The following RPLP0 variants were observed in gnomAD, a reference collection of about 807,000 sequenced individuals.
The protein encoded by RPLP0 is large ribosomal subunit protein uL10.
For missense variants in RPLP0, 276 were observed against 402.9 expected (o/e 0.69, Z 2.70); for synonymous variants, 137 against 153.4 (o/e 0.89, Z 0.79).
intron 1 of RPLP0, 69 bp downstream of exon 1, chr12:120,201,014 A>G: frequency 3.5e-6 from 2 of 574,172 alleles, no homozygotes; most frequent in Non-Finnish European, 5.6e-6. Context: ...CATGTTCCCA[A>G]AGGCCCCCAA....
rs779499502 is a variant in RPLP0, at chr12:120,199,389, C to T, written c.151G>A (p.Ala51Thr). The T allele has an allele frequency of 1.9e-6, 3 of 1,614,214 alleles. No individual in the cohort carries two copies. Among genetic ancestry groups the T allele is most frequent in the Non-Finnish European group, 2.5e-6 (3 of 1,180,042 alleles). The change falls in exon 3 of 8, where the codon GCT becomes ACT. Residue 51 changes from alanine to threonine, a missense_variant. Transcript: ENST00000392514. ...QQIRMSLRGK[A>T]VVLMGKNTMM... ...GTGTTCTTGCCCATCAGCACCACAG[C>T]CTTCCCGCGAAGGGACATGCGGATC...
intron 4 of RPLP0, 21 bp from the exon 5 acceptor site, chr12:120,199,021 T>C: frequency 6.2e-7 from 1 of 1,613,884 alleles, no homozygotes; most frequent in Non-Finnish European, 8.5e-7. Context: ...CAACAAACAG[T>C]GAGAAAAGCC....
chr12:120,197,914 TATTC>T (rs570610648), intron 6 of RPLP0: 155 of 162,170 alleles, frequency 9.6e-4, no homozygotes, highest in Non-Finnish European at 1.3e-3. Context: ...CTATCACTAT[TATTC>T]ATTATTTAAA....
chr12:120,197,619 G>A (rs1879233034), intron 6 of RPLP0, 157 bp from the exon 7 acceptor site: 10 of 796,430 alleles, frequency 1.3e-5, no homozygotes, highest in Admixed American at 7.6e-5. Flanking sequence ...GCTCCTGGCA[G>A]AGCAATTCAG....
chr12:120,199,814 AAG>A, intron 2 of RPLP0: 1 of 359,742 alleles, frequency 2.8e-6, no homozygotes, highest in South Asian at 2.3e-5. Context: ...TAAGTTGGTC[AAG>A]AGGAGGGCTA....
rs759215849 is a variant in RPLP0 at position 120,199,465 on chromosome 12, C to A, written c.75G>T (p.Pro25=). 29 of 1,613,854 alleles carry A rather than the reference C, an allele frequency of 1.8e-5. No homozygotes were observed. Among genetic ancestry groups the A allele is most frequent in the Non-Finnish European group, 2.5e-5 (29 of 1,180,002 alleles). Residue 25 remains proline (P), a synonymous_variant, in exon 3 of 8, where the codon CCG becomes CCT. Transcript: ENST00000392514. ...TGTCTGCTCCCACAATGAAACATTT[C>A]GGATAATCATCCAATAGTTGCTACA... The part of the protein sequence containing the change: ...LKIIQLLDDY[P]KCFIVGADNV...
At chr12:120,200,358 G>C (rs773916378) in intron 2 of RPLP0, 1 of 325,852 alleles carries the variant, frequency 3.1e-6, no homozygotes, top group Non-Finnish European at 6.0e-6. Flanking sequence ...AGCTACTCGG[G>C]AGGCTGAAGC....
At chr12:120,199,671 C>T (rs6490287) in intron 2 of RPLP0, 186 bp from the exon 3 acceptor site, 417,499 of 603,618 alleles carry the variant, frequency 0.69, 147,500 homozygotes, top group East Asian at 0.98. Flanking sequence ...TGGGTATGAA[C>T]GCTGAAAATT....
chr12:120,200,606 G>A (rs779567341), intron 2 of RPLP0, 124 bp downstream of exon 2: 6 of 1,067,828 alleles, frequency 5.6e-6, no homozygotes, highest in Non-Finnish European at 8.1e-6. Context: ...TAACTAAACA[G>A]TATTTTCCCA....
At position 120,198,300 on chromosome 12, in the gene RPLP0, GT is replaced by G. The variant is rs1339998561; in HGVS notation, c.651+253del. On this transcript the variant is annotated intron_variant, in intron 6 of 7. Coordinates refer to ENST00000392514, the MANE Select transcript of RPLP0 (RefSeq NM_001002.4). This position sits in a 1 kb window ranked among gnomAD's most constrained non-coding sequence, Gnocchi z 4.1. ...CTCAGGAGGCTGAGGCAGGAGAATGGTGTGAACCCGGAGGCGGAGCTTGCAG... is the reference window on the plus strand; with the variant it reads ...CTCAGGAGGCTGAGGCAGGAGAATGGGTGAACCCGGAGGCGGAGCTTGCAG... The G allele has an allele frequency of 1.9e-4, 85 of 445,910 alleles. 3 individuals are homozygous for G. The highest frequency in any genetic ancestry group is 1.7e-3 in the South Asian group (76 of 44,478). 27.6% of individuals were successfully genotyped at this position (445,910 alleles called of 1,614,324 possible). A position where few individuals can be genotyped will look rare whatever the true frequency, so the allele number is the denominator to read the frequency against.
At chr12:120,199,631 T>A in intron 2 of RPLP0, 146 bp from the exon 3 acceptor site, 1 of 754,824 alleles carries the variant, frequency 1.3e-6, no homozygotes, top group Non-Finnish European at 2.1e-6. Flanking sequence ...AGCTACGTTG[T>A]AACACTGCCA....
Position 120,197,431 on chromosome 12 carries a change from T to G in RPLP0, c.683A>C (p.Gln228Pro). The G allele has an allele frequency of 6.2e-7, 1 of 1,613,962 alleles. No individual in the cohort carries two copies. The highest frequency in any genetic ancestry group is 8.5e-7 in the Non-Finnish European group (1 of 1,179,864). Reference sequence around the variant, plus strand: ...TGATGCAACAGTTGGGTAGCCAATCTGCAGACAGACACTGGCAACATTGCG... The same window carrying G: ...TGATGCAACAGTTGGGTAGCCAATCGGCAGACAGACACTGGCAACATTGCG... ...GVRNVASVCL[Q>P]IGYPTVASVP... The change falls in exon 7 of 8, where the codon CAG becomes CCG. Residue 228 changes from glutamine to proline, a missense_variant. Coordinates refer to ENST00000392514, the MANE Select transcript of RPLP0 (RefSeq NM_001002.4).
In RPLP0 at chr12:120,200,730, G is replaced by A. The variant is rs372714831; in HGVS notation, c.54C>T (p.Ile18=). 1.2e-5 allele frequency: 20 copies of A among 1,610,708 alleles called. No homozygotes were observed. In the African/African-American group the frequency reaches 2.0e-4, roughly 16 times the overall value. ...TWKSNYFLKI[I]QLLDDYPKCF... ...CAGAGGCGACCCACCCTGCACTTAC[G>A]ATGATCTTAAGGAAGTAGTTGGACT... The change falls in exon 2 of 8, where the codon ATC becomes ATT. Residue 18 remains isoleucine, a splice_region_variant and synonymous_variant. Transcript: ENST00000392514.
chr12:120,200,126 C>T, intron 2 of RPLP0: 1 of 455,980 alleles, frequency 2.2e-6, no homozygotes, highest in South Asian at 1.5e-5. Context: ...TGCTTCCTTA[C>T]AATGAGTCAT....
rs756378284 is a variant in RPLP0, at chr12:120,198,620, A to G, written c.585T>C (p.Asn195=). The G allele has an allele frequency of 4.3e-6, 7 of 1,614,084 alleles. No homozygotes were observed. Among genetic ancestry groups the G allele is most frequent in the Non-Finnish European group, 5.9e-6 (7 of 1,180,042 alleles). Reference sequence around the variant, plus strand: ...GCACTTCAGGGTTGTAGATGCTGCCATTGTCGAACACCTGCTGGATGACCA... The same window carrying G: ...GCACTTCAGGGTTGTAGATGCTGCCGTTGTCGAACACCTGCTGGATGACCA... ...FGLVIQQVFD[N]GSIYNPEVLD... Residue 195 remains asparagine (N), a synonymous_variant, in exon 6 of 8, where the codon AAT becomes AAC. Transcript: ENST00000392514. The surrounding 1 kb of genome is among the most constrained non-coding windows in gnomAD (Gnocchi z 4.1).
rs553386311 is a variant in RPLP0 at position 120,198,890 on chromosome 12, G to T, written c.429C>A (p.Ile143=). 4.3e-6 allele frequency: 7 copies of T among 1,613,910 alleles called. No homozygotes were observed. Among genetic ancestry groups the T allele is most frequent in the Non-Finnish European group, 5.9e-6 (7 of 1,179,922 alleles). ...EKTSFFQALG[I]TTKISRGTIE... is the part of the protein sequence containing the mutation. ...TGGTGCCCCTGGAGATTTTAGTGGTGATACCTAAAGCCTGGAAAAAGGAGG... is the reference window on the plus strand; with the variant it reads ...TGGTGCCCCTGGAGATTTTAGTGGTTATACCTAAAGCCTGGAAAAAGGAGG... The change falls in exon 5 of 8, where the codon ATC becomes ATA. Residue 143 remains isoleucine, a synonymous_variant. Transcript: ENST00000392514. The surrounding 1 kb of genome is among the most constrained non-coding windows in gnomAD (Gnocchi z 4.1).
intron 1 of RPLP0, 28 bp from the exon 2 acceptor site, chr12:120,200,859 G>C (rs1226978071): frequency 1.3e-6 from 2 of 1,559,802 alleles, no homozygotes; most frequent in Non-Finnish European, 1.7e-6. Flanking sequence ...GCTCAGGCCT[G>C]GTCACGCCGA....
Position 120,200,847 on chromosome 12 carries a change from G to A in RPLP0, c.-48-16C>T, listed in dbSNP as rs969167705. On this transcript the variant is annotated splice_polypyrimidine_tract_variant and intron_variant, in intron 1 of 7. Coordinates refer to ENST00000392514, the MANE Select transcript of RPLP0 (RefSeq NM_001002.4). ...GACGATGTCACTGAGGAGAGACAGGGAGCTCAGGCCTGGTCACGCCGACAC... is the reference window on the plus strand; with the variant it reads ...GACGATGTCACTGAGGAGAGACAGGAAGCTCAGGCCTGGTCACGCCGACAC... 3.8e-6 allele frequency: 6 copies of A among 1,582,780 alleles called. No homozygotes were observed. The highest frequency in any genetic ancestry group is 1.3e-5 in the African/African-American group (1 of 74,162).
chr12:120,200,467 A>C, intron 2 of RPLP0: 1 of 447,754 alleles, frequency 2.2e-6, no homozygotes, highest in Non-Finnish European at 4.0e-6. Flanking sequence ...CGTTTAAAAA[A>C]AAAAAAGTAT....
Sources: allele counts gnomAD v4.1 joint callset, GRCh38; gene constraint gnomAD v4.1.1; non-coding constraint Gnocchi (gnomAD v3.1); transcripts MANE v1.5; gene names NCBI Gene and HGNC (gene_info 2026-07-23, HGNC 2026-07-21).